FAM177A1: variants seen among roughly 807,000 people sequenced by gnomAD.
FAM177A1 encodes the protein family with sequence similarity 177 member A1.
A neutral mutation model predicts 26.1 loss-of-function variants in FAM177A1; 22 were observed. The ratio of observed to expected loss-of-function variants is 0.84; its 90% CI spans 0.60 to 1.20. FAM177A1 has a LOEUF of 1.20. Among genes scored for constraint, FAM177A1 ranks in the 50% most tolerant of loss-of-function variants. The pLI, the probability that FAM177A1 is intolerant of heterozygous loss-of-function variation, is 0.00. For missense variants in FAM177A1, 296 were observed against 291.1 expected (o/e 1.02, Z -0.12); for synonymous variants, 95 against 99.3 (o/e 0.96, Z 0.26).
At chr14:35,059,624 T>G (rs903347662) in intron 2 of FAM177A1, among the ~76,000 whole-genome samples, 8 of 148,434 alleles carry the variant, frequency 5.4e-5, no homozygotes, top group African/African-American at 1.7e-4. Context: ...AACCTCTGCC[T>G]CCCAGGTTGG....
intron 1 of FAM177A1, among the ~76,000 whole-genome samples, chr14:35,047,754 GCAA>G (rs141401661): frequency 4.2e-4 from 57 of 134,224 alleles, no homozygotes; most frequent in Middle Eastern, 3.9e-3. Context: ...TCTCAAAACA[GCAA>G]CAACAACAAC....
At chr14:35,047,762 A>G (rs576860461) in intron 1 of FAM177A1, among the ~76,000 whole-genome samples, 1 of 35,026 alleles carries the variant, frequency 2.9e-5, no homozygotes, top group East Asian at 8.8e-4. Context: ...CAGCAACAAC[A>G]ACAACAACAA....
At position 35,083,370 on chromosome 14, in the gene FAM177A1, A is replaced by G. The variant is rs1454632836; in HGVS notation, c.*2142A>G. On this transcript the variant is annotated 3_prime_UTR_variant, in exon 5 of 5. Transcript: ENST00000280987. ...GTTTATGCAAACTATAAAATTTCCC[A>G]TAAATGTATTCAATGGTTTGTCTTA... 1 of 152,664 alleles carries G rather than the reference A, an allele frequency of 6.6e-6. No homozygotes were observed. Among genetic ancestry groups the G allele is most frequent in the Non-Finnish European group, 1.5e-5 (1 of 68,038 alleles). 9.5% of individuals were successfully genotyped at this position (152,664 alleles called of 1,614,324 possible).
chr14:35,075,472 GT>G (rs1455791777), intron 2 of FAM177A1, among the ~76,000 whole-genome samples: 2 of 152,128 alleles, frequency 1.3e-5, no homozygotes, highest in African/African-American at 2.4e-5. Context: ...AGACTTAAAT[GT>G]TAGACCTAAA....
chr14:35,053,830 A>G (rs2045017237), intron 2 of FAM177A1, among the ~76,000 whole-genome samples: 1 of 152,122 alleles, frequency 6.6e-6, no homozygotes. Context: ...CATCTCTACT[A>G]AAAATACAAA....
intron 1 of FAM177A1, 100 bp downstream of exon 1, chr14:35,046,728 G>A (rs1483353672): frequency 1.4e-6 from 2 of 1,423,732 alleles, no homozygotes; most frequent in African/African-American, 3.0e-5. Flanking sequence ...CTCCGAGCAG[G>A]CCGCCCCAGC....
intron 2 of FAM177A1, among the ~76,000 whole-genome samples, chr14:35,068,388 C>G (rs757988765): frequency 1.4e-4 from 22 of 152,216 alleles, no homozygotes; most frequent in Non-Finnish European, 1.5e-5. Flanking sequence ...GATTTACTCT[C>G]TACTCGTCTG....
chr14:35,077,057 C>G, intron 2 of FAM177A1, 93 bp from the exon 3 acceptor site: 1 of 934,348 alleles, frequency 1.1e-6, no homozygotes, highest in Non-Finnish European at 1.8e-6. Flanking sequence ...AGAATATTCT[C>G]GGTGCCTACC....
chr14:35,051,707 C>G (rs1391035549), intron 1 of FAM177A1, among the ~76,000 whole-genome samples: 2 of 152,186 alleles, frequency 1.3e-5, no homozygotes, highest in African/African-American at 4.8e-5. Context: ...GCCACCACGG[C>G]TGGCCTGTTA....
intron 2 of FAM177A1, among the ~76,000 whole-genome samples, chr14:35,065,786 G>T (rs1369885183): frequency 6.7e-6 from 1 of 149,506 alleles, no homozygotes; most frequent in East Asian, 2.0e-4. Context: ...CCACCTCCCA[G>T]GGTCAAATGA....
upstream of FAM177A1, chr14:35,045,876 G>A (rs1194533584): frequency 2.0e-5 from 3 of 152,216 alleles, no homozygotes; most frequent in African/African-American, 4.8e-5. Context: ...TTTCAGACAA[G>A]AGTAAGCAAA....
intron 2 of FAM177A1, 117 bp from the exon 3 acceptor site, chr14:35,077,033 G>A (rs1473701770): frequency 2.6e-6 from 2 of 770,284 alleles, no homozygotes; most frequent in East Asian, 2.5e-5. Flanking sequence ...CAGTCTCTTT[G>A]TAGTACTGCC....
At chr14:35,080,476 G>A (rs1595060657) in intron 4 of FAM177A1, among the ~76,000 whole-genome samples, 1 of 152,148 alleles carries the variant, frequency 6.6e-6, no homozygotes, top group African/African-American at 2.4e-5. Context: ...TCTCATCTAC[G>A]TGATGTAGTG....
In FAM177A1 at chr14:35,079,042, A is replaced by C. The variant is rs2045440082; in HGVS notation, c.504+18A>C. ...AGAAGGAGGTATGCCTCCTTTTTAC[A>C]TTTTCTTGATTCAGTTTGGTTTGCT... On this transcript the variant is annotated intron_variant, in intron 4 of 4. Coordinates refer to ENST00000280987, the MANE Select transcript of FAM177A1 (RefSeq NM_173607.5). 1.3e-6 allele frequency: 2 copies of C among 1,541,736 alleles called. No homozygotes were observed. The highest frequency in any genetic ancestry group is 1.7e-6 in the Non-Finnish European group (2 of 1,152,716).
intron 2 of FAM177A1, among the ~76,000 whole-genome samples, chr14:35,055,950 C>T (rs1339706285): frequency 6.6e-6 from 1 of 152,056 alleles, no homozygotes; most frequent in African/African-American, 2.4e-5. Context: ...ATTTACATTC[C>T]CTTGATGGTC....
At chr14:35,074,909 C>T (rs888015300) in intron 2 of FAM177A1, among the ~76,000 whole-genome samples, 6 of 151,848 alleles carry the variant, frequency 4.0e-5, no homozygotes, top group South Asian at 2.1e-4. Context: ...AATTGGTGCA[C>T]GTCTGTAATC....
chr14:35,073,082 C>CT (rs1465472954), intron 2 of FAM177A1, among the ~76,000 whole-genome samples: 3 of 151,630 alleles, frequency 2.0e-5, no homozygotes, highest in South Asian at 2.1e-4. Context: ...TCTTCTTCTT[C>CT]TTTTTTTTGA....
At chr14:35,078,338 C>G (rs2045428193) in intron 3 of FAM177A1, among the ~76,000 whole-genome samples, 1 of 152,086 alleles carries the variant, frequency 6.6e-6, no homozygotes, top group African/African-American at 2.4e-5. Flanking sequence ...CCAGTGATAT[C>G]CCAGCTTTCT....
At chr14:35,079,645 A>C (rs943239213) in intron 4 of FAM177A1, among the ~76,000 whole-genome samples, 1 of 152,120 alleles carries the variant, frequency 6.6e-6, no homozygotes, top group East Asian at 1.9e-4. Flanking sequence ...CAATCTCCTC[A>C]TCTTTGTAAT....
Sources: allele counts gnomAD v4.1 joint callset (sites outside exome capture counted in the v4.1 genomes callset), GRCh38; gene constraint gnomAD v4.1.1; transcripts MANE v1.5; gene names NCBI Gene and HGNC (gene_info 2026-07-23, HGNC 2026-07-21).